TMC7: variants seen among roughly 807,000 people sequenced by gnomAD.
TMC7 encodes transmembrane channel-like protein 7.
TMC7 carries 54 observed loss-of-function variants against 82.9 expected under a neutral mutation model. That is an observed-to-expected ratio of 0.65 (90% CI 0.52 to 0.82). The LOEUF (loss-of-function observed/expected upper bound fraction) is 0.82. Among genes scored for constraint, TMC7 ranks in the 40% least tolerant of loss-of-function variants. TMC7 has a pLI of 0.00. For synonymous variants in TMC7, 350 were observed against 337.9 expected (o/e 1.04, Z -0.39); for missense variants, 820 against 901.2 (o/e 0.91, Z 1.15).
intron 14 of TMC7, among the ~76,000 whole-genome samples, chr16:19,059,109 C>A (rs1316324142): frequency 1.3e-5 from 2 of 152,112 alleles, no homozygotes; most frequent in African/African-American, 4.8e-5. Context: ...AATTCCTGAC[C>A]TCAGGTGATC....
At chr16:19,012,586 C>T (rs1340284305) in intron 2 of TMC7, among the ~76,000 whole-genome samples, 1 of 151,612 alleles carries the variant, frequency 6.6e-6, no homozygotes, top group Non-Finnish European at 1.5e-5. Context: ...GTCAGGAGTT[C>T]GAGAACAGGC....
intron 2 of TMC7, among the ~76,000 whole-genome samples, chr16:19,016,249 C>T (rs1054990646): frequency 1.3e-5 from 2 of 151,952 alleles, no homozygotes; most frequent in Non-Finnish European, 2.9e-5. Context: ...CGCCACCACA[C>T]CTGGCTAATT....
chr16:19,013,884 C>T (rs532099340), intron 2 of TMC7, among the ~76,000 whole-genome samples: 155 of 126,654 alleles, frequency 1.2e-3, no homozygotes, highest in African/African-American at 4.2e-3. Flanking sequence ...GATGGGGTCT[C>T]GCTCTATTGC....
At chr16:19,047,968 G>T (rs1175296907) in intron 12 of TMC7, among the ~76,000 whole-genome samples, 1 of 151,930 alleles carries the variant, frequency 6.6e-6, no homozygotes, top group Non-Finnish European at 1.5e-5. Context: ...CAAAGTGCTG[G>T]GATTACAGGC....
intron 9 of TMC7, among the ~76,000 whole-genome samples, chr16:19,041,742 C>T (rs575143610): frequency 6.6e-6 from 1 of 152,122 alleles, no homozygotes; most frequent in African/African-American, 2.4e-5. Flanking sequence ...AAAATTGAGG[C>T]GGTCTCCCCA....
chr16:19,003,125 G>C (rs1000950250), intron 1 of TMC7, among the ~76,000 whole-genome samples: 2 of 152,056 alleles, frequency 1.3e-5, no homozygotes, highest in African/African-American at 4.8e-5. Context: ...GAGCCCAGGA[G>C]TTTGAGACCA....
rs1396852608 is a variant in TMC7 at position 18,984,027 on chromosome 16, G to A, written c.-37G>A. 1 of 1,419,024 alleles carries A rather than the reference G, an allele frequency of 7.0e-7. No homozygotes were observed. 87.9% of individuals were successfully genotyped at this position (1,419,024 alleles called of 1,614,324 possible). On this transcript the variant is annotated 5_prime_UTR_variant, in exon 1 of 16. Coordinates refer to ENST00000304381, the MANE Select transcript of TMC7 (RefSeq NM_024847.4). ...GGCGGCGGCGGCGGCGGCTGGAGAG[G>A]GTCCTCGGCAGCCTCTGAGGAGCGC...
At chr16:18,995,078 AG>A (rs901163569) in intron 1 of TMC7, among the ~76,000 whole-genome samples, 27 of 152,270 alleles carry the variant, frequency 1.8e-4, no homozygotes, top group African/African-American at 5.1e-4. Flanking sequence ...TAGTCAGAGA[AG>A]CAGATAATTT....
intron 12 of TMC7, among the ~76,000 whole-genome samples, chr16:19,050,402 A>AG (rs1567528727): frequency 2.0e-5 from 3 of 151,174 alleles, no homozygotes; most frequent in African/African-American, 7.4e-5. Context: ...ACCAAAAAAA[A>AG]CAAAAAACTT....
chr16:19,006,977 C>G (rs1314870243), intron 1 of TMC7, among the ~76,000 whole-genome samples: 1 of 151,716 alleles, frequency 6.6e-6, no homozygotes, highest in African/African-American at 2.4e-5. Flanking sequence ...CCACCACGTG[C>G]AGCTAGTTTT....
intron 1 of TMC7, among the ~76,000 whole-genome samples, chr16:19,003,369 C>T (rs2039174658): frequency 6.6e-6 from 1 of 152,042 alleles, no homozygotes. Flanking sequence ...GTGAGGAGCC[C>T]CTCTGCCCGG....
chr16:19,002,171 C>G (rs1412331738), intron 1 of TMC7, among the ~76,000 whole-genome samples: 1 of 151,538 alleles, frequency 6.6e-6, no homozygotes, highest in Non-Finnish European at 1.5e-5. Flanking sequence ...GGATGCTCAC[C>G]AGATGTACCT....
intron 11 of TMC7, among the ~76,000 whole-genome samples, 159 bp downstream of exon 11, chr16:19,045,597 T>C (rs1020901728): frequency 2.1e-5 from 3 of 141,248 alleles, no homozygotes; most frequent in East Asian, 4.1e-4. Flanking sequence ...CTTTCTTTTT[T>C]TTTTTTTTTT....
At chr16:19,037,817 T>C (rs1403547888) in intron 7 of TMC7, 57 bp from the exon 8 acceptor site, 1 of 1,528,750 alleles carries the variant, frequency 6.5e-7, no homozygotes, top group African/African-American at 1.4e-5. Flanking sequence ...AATCAATTTC[T>C]ATCCCTGAGT....
intron 6 of TMC7, 111 bp from the exon 7 acceptor site, chr16:19,035,565 T>G (rs1960704759): frequency 7.7e-7 from 1 of 1,296,652 alleles, no homozygotes; most frequent in African/African-American, 1.5e-5. Context: ...CATGTCACAA[T>G]GGGCTGAAAA....
At chr16:19,011,176 T>C (rs1959318985) in intron 2 of TMC7, among the ~76,000 whole-genome samples, 1 of 152,154 alleles carries the variant, frequency 6.6e-6, no homozygotes, top group Non-Finnish European at 1.5e-5. Context: ...CACATGGTCA[T>C]ACCTAACTGC....
At chr16:19,006,142 C>G (rs1298753904) in intron 1 of TMC7, among the ~76,000 whole-genome samples, 2 of 152,034 alleles carry the variant, frequency 1.3e-5, no homozygotes, top group Non-Finnish European at 2.9e-5. Flanking sequence ...CTTTAATGTT[C>G]ATAAACAGGC....
chr16:19,058,513 T>C (rs908514067), intron 14 of TMC7, among the ~76,000 whole-genome samples: 2 of 152,248 alleles, frequency 1.3e-5, no homozygotes, highest in African/African-American at 2.4e-5. Flanking sequence ...CATCCACGTG[T>C]TAATTACATG....
chr16:18,984,201 C>T, intron 1 of TMC7, 71 bp downstream of exon 1: 3 of 1,410,456 alleles, frequency 2.1e-6, no homozygotes, highest in Non-Finnish European at 2.7e-6. Flanking sequence ...GAGCCGGGTG[C>T]TGGAGGCTCG....
Sources: gnomAD v4.1 joint callset for allele counts (sites outside exome capture counted in the v4.1 genomes callset) on GRCh38, gnomAD v4.1.1 for gene constraint, MANE v1.5 for transcripts, NCBI Gene and HGNC (gene_info 2026-07-23, HGNC 2026-07-21) for gene names.